The following MFHAS1 variants were observed in gnomAD, a reference collection of about 807,000 sequenced individuals.
MFHAS1 encodes the protein multifunctional ROCO family signaling regulator 1.
Under a neutral mutation model 70.4 loss-of-function variants are expected in MFHAS1, and 50 were observed. The ratio of observed to expected loss-of-function variants is 0.71; its 90% CI spans 0.57 to 0.90. MFHAS1 has a LOEUF of 0.90. Ranked by LOEUF, MFHAS1 falls within the 40% of genes least tolerant of loss-of-function variation. MFHAS1 has a pLI of 0.00. For synonymous variants in MFHAS1, 952 were observed against 620.0 expected, an observed-to-expected ratio of 1.54 and a Z score of -7.96; for missense variants, 1,795 against 1,347.6, an observed-to-expected ratio of 1.33 and a Z score of -5.20.
chr8:8,866,869 T>A (rs1478190204), intron 1 of MFHAS1, among the ~76,000 whole-genome samples: 1 of 152,204 alleles, frequency 6.6e-6, no homozygotes, highest in Non-Finnish European at 1.5e-5. Context: ...TATGAATTCA[T>A]GAATCAGGAA....
At chr8:8,832,109 T>C (rs1028708557) in intron 1 of MFHAS1, among the ~76,000 whole-genome samples, 1 of 139,384 alleles carries the variant, frequency 7.2e-6, no homozygotes, top group Non-Finnish European at 1.5e-5. Flanking sequence ...TAACTTGAAA[T>C]AGATCCTAGA....
chr8:8,859,544 C>A (rs1237513145), intron 1 of MFHAS1, among the ~76,000 whole-genome samples: 1 of 152,146 alleles, frequency 6.6e-6, no homozygotes, highest in Non-Finnish European at 1.5e-5. Flanking sequence ...GACAGCAAGA[C>A]CAACCCCTCC....
chr8:8,789,348 T>C (rs1017709668), intron 2 of MFHAS1, among the ~76,000 whole-genome samples: 2 of 152,166 alleles, frequency 1.3e-5, no homozygotes, highest in Non-Finnish European at 2.9e-5. Context: ...GGTCACAGAC[T>C]GAGGAAGAAC....
intron 1 of MFHAS1, among the ~76,000 whole-genome samples, chr8:8,841,405 G>A (rs1807818291): frequency 6.6e-6 from 1 of 151,768 alleles, no homozygotes; most frequent in Non-Finnish European, 1.5e-5. Context: ...AACCCAGGAG[G>A]CAGAGTGAGC....
chr8:8,861,054 C>T (rs1220674867), intron 1 of MFHAS1, among the ~76,000 whole-genome samples: 2 of 152,214 alleles, frequency 1.3e-5, no homozygotes, highest in African/African-American at 2.4e-5. Context: ...AATTTCATCA[C>T]TTAACGTTTC....
At chr8:8,856,326 C>T (rs1325277255) in intron 1 of MFHAS1, among the ~76,000 whole-genome samples, 2 of 152,236 alleles carry the variant, frequency 1.3e-5, no homozygotes, top group Non-Finnish European at 2.9e-5. Context: ...CTGGGGCAAG[C>T]ATGACCTGCA....
chr8:8,879,691 G>T (rs570649239), intron 1 of MFHAS1, among the ~76,000 whole-genome samples: 1 of 152,082 alleles, frequency 6.6e-6, no homozygotes, highest in Non-Finnish European at 1.5e-5. Context: ...TCTCCATATG[G>T]GGTCAGATTC....
At chr8:8,886,187 CTT>C (rs539238869) in intron 1 of MFHAS1, among the ~76,000 whole-genome samples, 5 of 144,164 alleles carry the variant, frequency 3.5e-5, no homozygotes, top group Non-Finnish European at 3.1e-5. Flanking sequence ...CCAATCATTT[CTT>C]TTTTTTTTTT....
At chr8:8,795,110 AC>A (rs1805846594) in intron 2 of MFHAS1, among the ~76,000 whole-genome samples, 1 of 152,182 alleles carries the variant, frequency 6.6e-6, no homozygotes, top group Non-Finnish European at 1.5e-5. Context: ...TGGAAAGTTT[AC>A]GCCAATGCAA....
rs1417955457 is a variant in MFHAS1, at chr8:8,783,790, G to A, written c.*2232C>T. On this transcript the variant is annotated 3_prime_UTR_variant, in exon 3 of 3. Coordinates refer to ENST00000276282, the MANE Select transcript of MFHAS1 (RefSeq NM_004225.3). ...TTTCCAGGTGCTGAAAGAGAAAACG[G>A]AATTTCTTGCATAGACAGCTGAAGA... The A allele has an allele frequency of 6.6e-6, 1 of 152,120 alleles. No individual in the cohort carries two copies. Among genetic ancestry groups the A allele is most frequent in the Admixed American group, 6.6e-5 (1 of 15,264 alleles). The allele number at this position is 152,120 out of a possible 1,614,324, so 9.4% of individuals were successfully genotyped here. A position where few individuals can be genotyped will look rare whatever the true frequency, so the allele number is the denominator to read the frequency against.
intron 1 of MFHAS1, among the ~76,000 whole-genome samples, chr8:8,830,439 A>C (rs1048449490): frequency 5.9e-5 from 9 of 152,180 alleles, no homozygotes; most frequent in African/African-American, 2.2e-4. Context: ...AATACAAGTA[A>C]AAGAGAAAAT....
chr8:8,856,980 GAAAAAAAAAAAAAAAA>G (rs59496543), intron 1 of MFHAS1, among the ~76,000 whole-genome samples: 3 of 53,370 alleles, frequency 5.6e-5, no homozygotes, highest in Non-Finnish European at 1.0e-4. Context: ...TCAGGAAAGT[GAAAAAAAAAAAAAAAA>G]AAAAAAAAAA....
chr8:8,878,539 T>C (rs958993884), intron 1 of MFHAS1, among the ~76,000 whole-genome samples: 2 of 151,944 alleles, frequency 1.3e-5, no homozygotes, highest in African/African-American at 4.8e-5. Flanking sequence ...CTTTATGACA[T>C]GAAAAACAAG....
chr8:8,871,250 A>G (rs549631265), intron 1 of MFHAS1, among the ~76,000 whole-genome samples: 2 of 152,234 alleles, frequency 1.3e-5, no homozygotes, highest in East Asian at 1.9e-4. Flanking sequence ...CCCTTATTAT[A>G]TGGTAAAAAC....
At chr8:8,872,518 T>C (rs1809117200) in intron 1 of MFHAS1, among the ~76,000 whole-genome samples, 1 of 152,188 alleles carries the variant, frequency 6.6e-6, no homozygotes, top group South Asian at 2.1e-4. Context: ...GAAAATGTTA[T>C]CAGCCCTGGT....
In MFHAS1 at chr8:8,890,084, G is replaced by A. The variant is rs1461761642; in HGVS notation, c.2975C>T (p.Ser992Leu). 3.1e-6 allele frequency: 5 copies of A among 1,606,676 alleles called. No homozygotes were observed. Among genetic ancestry groups the A allele is most frequent in the South Asian group, 1.1e-5 (1 of 90,304 alleles). The change falls in exon 1 of 3, where the codon TCG becomes TTG. Residue 992 changes from serine to leucine, a missense_variant. Physicochemically the swap from Ser to Leu is moderately radical, Grantham distance 145. Coordinates refer to ENST00000276282, the MANE Select transcript of MFHAS1 (RefSeq NM_004225.3). ...ILCSKCLKRG[S>L]PNPHAFPGEL... is the part of the protein sequence containing the mutation. ...ACCTGGAAAAGCATGTGGATTGGGC[G>A]ATCCTCTCTTAAGGCACTTAGAACA... is the stretch of plus-strand genomic sequence containing the variant.
intron 1 of MFHAS1, among the ~76,000 whole-genome samples, chr8:8,825,246 C>T (rs1239400636): frequency 6.6e-6 from 1 of 152,210 alleles, no homozygotes; most frequent in African/African-American, 2.4e-5. Context: ...AATCTCTGCT[C>T]ACTGCAACCT....
intron 1 of MFHAS1, among the ~76,000 whole-genome samples, chr8:8,802,758 G>GCTA (rs1219302138): frequency 6.6e-6 from 1 of 152,234 alleles, no homozygotes; most frequent in Admixed American, 6.5e-5. Flanking sequence ...TCCCTGGGAA[G>GCTA]CTATCTTGGG....
intron 2 of MFHAS1, among the ~76,000 whole-genome samples, chr8:8,791,594 C>G (rs1805721342): frequency 6.6e-6 from 1 of 152,194 alleles, no homozygotes; most frequent in Admixed American, 6.5e-5. Context: ...GAGAAGCTCA[C>G]ACTCCCTGGG....
Sources: allele counts gnomAD v4.1 joint callset (sites outside exome capture counted in the v4.1 genomes callset), GRCh38; gene constraint gnomAD v4.1.1; transcripts MANE v1.5; gene names NCBI Gene and HGNC (gene_info 2026-07-23, HGNC 2026-07-21).